Variants in LTBP2 observed in about 807,000 individuals in gnomAD.
LTBP2 encodes latent-transforming growth factor beta-binding protein 2.
Under a neutral mutation model 210.6 loss-of-function variants are expected in LTBP2, and 103 were observed. The observed-to-expected ratio is 0.49, with a 90% confidence interval of 0.42 to 0.58. The LOEUF (loss-of-function observed/expected upper bound fraction) is 0.58. LTBP2 is among the 20% of genes least tolerant of loss of function. The probability of loss-of-function intolerance (pLI) is 0.00; values close to 1 mark genes in which losing one functional copy is unlikely to be tolerated. For missense variants in LTBP2, 2,313 were observed against 2,494.5 expected, an observed-to-expected ratio of 0.93 and a Z score of 1.55; for synonymous variants, 1,007 against 1,015.0, an observed-to-expected ratio of 0.99 and a Z score of 0.15.
chr14:74,555,367 G>C, intron 4 of LTBP2, 136 bp downstream of exon 4: 1 of 955,208 alleles, frequency 1.0e-6, no homozygotes, highest in Non-Finnish European at 1.6e-6. Context: ...CTCAACAAGC[G>C]TTTGTTGATT....
At chr14:74,511,739 G>C (rs994005575) in intron 18 of LTBP2, among the ~76,000 whole-genome samples, 1 of 152,190 alleles carries the variant, frequency 6.6e-6, no homozygotes, top group Admixed American at 6.5e-5. Flanking sequence ...GGATGTGCTT[G>C]GCACAGCAGC....
Position 74,542,494 on chromosome 14 carries a change from G to A in LTBP2, c.1790-6494C>T, listed in dbSNP as rs189595247. ...CAGCCTGTGATGACAGGTGCCTGCA[G>A]CAGGGAGATGTGAAAGGTCCCTACC... is the stretch of plus-strand genomic sequence containing the variant. On this transcript the variant is annotated intron_variant, in intron 8 of 35. Transcript: ENST00000261978. 2.8e-4 allele frequency among the ~76,000 whole-genome samples: 42 copies of A among 152,352 alleles called. No homozygotes were observed. In the East Asian group the frequency reaches 7.5e-3, roughly 27 times the overall value.
At chr14:74,607,254 C>T (rs897471245) in intron 1 of LTBP2, among the ~76,000 whole-genome samples, 9 of 152,224 alleles carry the variant, frequency 5.9e-5, no homozygotes, top group African/African-American at 1.9e-4. Flanking sequence ...GCTAGTCCCC[C>T]TTCCAATAGA....
At chr14:74,553,283 C>G (rs2087685475) in intron 4 of LTBP2, among the ~76,000 whole-genome samples, 1 of 152,194 alleles carries the variant, frequency 6.6e-6, no homozygotes, top group Non-Finnish European at 1.5e-5. Context: ...CACATCAACC[C>G]TCTTGAGTGG....
At chr14:74,543,552 C>T (rs80285199) in intron 8 of LTBP2, among the ~76,000 whole-genome samples, 781 of 66,636 alleles carry the variant, frequency 0.012, 30 homozygotes, top group African/African-American at 0.046. Context: ...CTCCCTCCCT[C>T]CCTTCCTTCC....
intron 3 of LTBP2, among the ~76,000 whole-genome samples, chr14:74,559,112 G>C (rs2087762540): frequency 6.6e-6 from 1 of 152,192 alleles, no homozygotes; most frequent in Non-Finnish European, 1.5e-5. Context: ...GAGGAAAAAA[G>C]GAGTTAGCTA....
At chr14:74,548,051 C>A (rs934624685) in intron 8 of LTBP2, among the ~76,000 whole-genome samples, 1 of 151,964 alleles carries the variant, frequency 6.6e-6, no homozygotes, top group East Asian at 1.9e-4. Context: ...CCTAATTATT[C>A]TTCAAATCTC....
rs1566641283 is a variant in LTBP2 at position 74,564,369 on chromosome 14, A to ATATATATATT, written c.831-8677_831-8676insAATATATATA. 1.0e-3 allele frequency among the ~76,000 whole-genome samples: 35 copies of ATATATATATT among 33,452 alleles called. 1 individual carries two copies. Among genetic ancestry groups the ATATATATATT allele is most frequent in the Non-Finnish European group, 1.6e-3 (18 of 11,230 alleles). The allele number at this position is 33,452 out of a possible 152,430, so 21.9% of individuals were successfully genotyped here. The stretch of plus-strand genomic sequence containing the variant: ...TTTATATATATTTATATATATATTT[A>ATATATATATT]TATATATATATTTATATTTTATATA... On this transcript the variant is annotated intron_variant, in intron 3 of 35. Coordinates refer to ENST00000261978, the MANE Select transcript of LTBP2 (RefSeq NM_000428.3).
chr14:74,527,757 T>C (rs545077882), intron 12 of LTBP2, among the ~76,000 whole-genome samples: 1 of 152,268 alleles, frequency 6.6e-6, no homozygotes, highest in African/African-American at 2.4e-5. Context: ...GGCTGGGTCA[T>C]GCAGCCCCCT....
chr14:74,562,926 T>C (rs1003047948), intron 3 of LTBP2, among the ~76,000 whole-genome samples: 1 of 152,184 alleles, frequency 6.6e-6, no homozygotes, highest in South Asian at 2.1e-4. Flanking sequence ...ATCCTGCAGA[T>C]AAACCTTCTG....
chr14:74,540,795 T>TA (rs1555350176), intron 8 of LTBP2, among the ~76,000 whole-genome samples: 28 of 18,418 alleles, frequency 1.5e-3, no homozygotes, highest in Admixed American at 3.0e-3. Flanking sequence ...ATATATATAT[T>TA]TATATATATA....
At chr14:74,549,331 TG>T (rs1234142552) in intron 8 of LTBP2, among the ~76,000 whole-genome samples, 18 of 152,218 alleles carry the variant, frequency 1.2e-4, no homozygotes, top group African/African-American at 3.9e-4. Context: ...AATGAATGAA[TG>T]AATTAACACA....
chr14:74,575,597 C>T (rs1337000521), intron 3 of LTBP2, among the ~76,000 whole-genome samples: 1 of 152,208 alleles, frequency 6.6e-6, no homozygotes, highest in Non-Finnish European at 1.5e-5. Context: ...AACACAGTGC[C>T]TCAGACCCAT....
chr14:74,559,269 A>C (rs2087764075), intron 3 of LTBP2, among the ~76,000 whole-genome samples: 1 of 152,172 alleles, frequency 6.6e-6, no homozygotes, highest in Non-Finnish European at 1.5e-5. Context: ...CCAAGTGTCT[A>C]ATCTGGTGTC....
intron 22 of LTBP2, 122 bp downstream of exon 22, chr14:74,509,116 T>C (rs2087033851): frequency 1.9e-6 from 3 of 1,580,060 alleles, no homozygotes. Context: ...TGTGAGCGAC[T>C]CTTGGGGAGC....
chr14:74,596,049 CA>C (rs978860881), intron 2 of LTBP2, among the ~76,000 whole-genome samples: 1 of 151,720 alleles, frequency 6.6e-6, no homozygotes, highest in Non-Finnish European at 1.5e-5. Context: ...AAAAATTAGT[CA>C]AAACGTCTCT....
chr14:74,584,805 T>A (rs1381941687), intron 3 of LTBP2, among the ~76,000 whole-genome samples: 4 of 152,114 alleles, frequency 2.6e-5, no homozygotes, highest in Admixed American at 2.6e-4. Flanking sequence ...CTGGTCCGCC[T>A]GACCTCACCC....
chr14:74,526,098 G>A lies in LTBP2; in HGVS notation c.2405C>T (p.Thr802Ile). 6.2e-7 allele frequency: 1 copy of A among 1,604,598 alleles called. No individual in the cohort carries two copies. Among genetic ancestry groups the A allele is most frequent in the Non-Finnish European group, 8.5e-7 (1 of 1,175,112 alleles). ...SQAGQVTTSVTHAPAWVTGNA... is the reference protein window; with the variant it reads ...SQAGQVTTSVIHAPAWVTGNA... ...ACCTGTGACCCAGGCAGGTGCATGA[G>A]TGACACTGGTCGTGACCTGCACAGA... Residue 802 changes from threonine to isoleucine, a missense_variant, in exon 14 of 36, where the codon ACT (threonine) becomes ATT (isoleucine). Thr to Ile is a moderately conservative substitution (Grantham distance 89, BLOSUM62 -1). This residue lies in a region of LTBP2 where 1,867 missense variants were observed against 1,976.9 expected (regional missense o/e 0.94). Coordinates refer to ENST00000261978, the MANE Select transcript of LTBP2 (RefSeq NM_000428.3).
chr14:74,606,946 C>T (rs936845866), intron 1 of LTBP2, among the ~76,000 whole-genome samples: 17 of 152,024 alleles, frequency 1.1e-4, no homozygotes, highest in Admixed American at 8.5e-4. Context: ...TACTGCCTGT[C>T]TCAGGTCATT....
Sources: gnomAD v4.1 joint callset for allele counts (sites outside exome capture counted in the v4.1 genomes callset) on GRCh38, gnomAD v4.1.1 for gene constraint, gnomAD v4.1.1 regional missense constraint, MANE v1.5 for transcripts, NCBI Gene and HGNC (gene_info 2026-07-23, HGNC 2026-07-21) for gene names.